The following FREM3 variants were observed in gnomAD, a reference collection of about 807,000 sequenced individuals.
The protein encoded by FREM3 is FRAS1-related extracellular matrix protein 3.
A neutral mutation model predicts 129.1 loss-of-function variants in FREM3; 105 were observed. That is an observed-to-expected ratio of 0.81 (90% confidence interval 0.69 to 0.96). The LOEUF (loss-of-function observed/expected upper bound fraction) is 0.96, where lower values mean the gene tolerates loss of function less well. Ranked by LOEUF, FREM3 falls within the 40% of genes least tolerant of loss-of-function variation. FREM3 has a pLI of 0.00. For missense variants in FREM3, 2,593 were observed against 2,666.3 expected (o/e 0.97, Z 0.61); for synonymous variants, 1,014 against 1,044.9 (o/e 0.97, Z 0.57).
At chr4:143,595,694 T>C (rs113511058) in intron 6 of FREM3, among the ~76,000 whole-genome samples, 2,038 of 152,196 alleles carry the variant, frequency 0.013, 46 homozygotes, top group African/African-American at 0.046. Context: ...AAGACCATCC[T>C]GGCTAACACG....
intron 6 of FREM3, among the ~76,000 whole-genome samples, chr4:143,597,701 AAACTT>A (rs1738507563): frequency 6.6e-6 from 1 of 152,212 alleles, no homozygotes; most frequent in African/African-American, 2.4e-5. Flanking sequence ...ACTTAGGCAT[AAACTT>A]AACTAAGGCA....
intron 6 of FREM3, among the ~76,000 whole-genome samples, chr4:143,591,291 G>A (rs1370708693): frequency 6.6e-6 from 1 of 152,122 alleles, no homozygotes; most frequent in African/African-American, 2.4e-5. Context: ...GCTTTTGAAT[G>A]TGTTTGCTCT....
intron 2 of FREM3, among the ~76,000 whole-genome samples, chr4:143,632,603 T>C (rs1387243310): frequency 6.6e-6 from 1 of 152,138 alleles, no homozygotes; most frequent in Non-Finnish European, 1.5e-5. Context: ...GTAGTATTCA[T>C]TAGGGACATT....
chr4:143,657,556 A>G (rs1739623669), intron 2 of FREM3, among the ~76,000 whole-genome samples: 1 of 152,170 alleles, frequency 6.6e-6, no homozygotes, highest in African/African-American at 2.4e-5. Flanking sequence ...CATGATAGTA[A>G]TGATGATATT....
chr4:143,644,325 G>T (rs1291418737), intron 2 of FREM3, among the ~76,000 whole-genome samples: 1 of 152,008 alleles, frequency 6.6e-6, no homozygotes, highest in African/African-American at 2.4e-5. Flanking sequence ...GCATACGTGA[G>T]CTCTTTCCAT....
intron 7 of FREM3, among the ~76,000 whole-genome samples, chr4:143,582,549 T>G (rs1200659256): frequency 1.3e-5 from 2 of 152,116 alleles, no homozygotes; most frequent in Non-Finnish European, 2.9e-5. Context: ...TAAAGGAATA[T>G]CAGCCCATAC....
chr4:143,699,745 C>T lies in FREM3; in HGVS notation c.931G>A (p.Ala311Thr). The T allele has an allele frequency of 6.6e-7, 1 of 1,519,506 alleles. No homozygotes were observed. The highest frequency in any genetic ancestry group is 8.8e-7 in the Non-Finnish European group (1 of 1,136,864). 94.1% of individuals were successfully genotyped at this position (1,519,506 alleles called of 1,614,324 possible). Residue 311 changes from alanine (A) to threonine (T), a missense_variant, in exon 1 of 8, where the codon GCC becomes ACC. Coordinates refer to ENST00000329798, the MANE Select transcript of FREM3 (RefSeq NM_001168235.2). This position sits in a 1 kb window ranked among gnomAD's most constrained non-coding sequence, Gnocchi z 4.2. ...GGATCCACCTCCATCATCATCGTGG[C>T]CATGAAGCTGGGCCTGGGCGGTGTG... ...ENTPPRPSFM[A>T]TMMMEVDPLV...
chr4:143,619,089 C>G (rs150558011), intron 5 of FREM3, among the ~76,000 whole-genome samples: 1 of 152,150 alleles, frequency 6.6e-6, no homozygotes, highest in Non-Finnish European at 1.5e-5. Context: ...TTCAAGCTGT[C>G]GAGACCACTG....
rs75320615 is a variant in FREM3, at chr4:143,615,180, G to A, written c.5780-3653C>T. Among the ~76,000 whole-genome samples the A allele has an allele frequency of 3.6e-3, 544 of 152,218 alleles. 5 individuals carry two copies. Among genetic ancestry groups the A allele is most frequent in the African/African-American group, 0.012 (519 of 41,528 alleles). On this transcript the variant is annotated intron_variant, in intron 5 of 7. Transcript: ENST00000329798. Reference sequence around the variant, plus strand: ...GGTTACTTTATGAGGTGGCCAGGGCGTTTTATCAATGAGAAAATTGAGGCA... The same window carrying A: ...GGTTACTTTATGAGGTGGCCAGGGCATTTTATCAATGAGAAAATTGAGGCA...
intron 2 of FREM3, among the ~76,000 whole-genome samples, chr4:143,638,064 T>C (rs182082053): frequency 6.6e-6 from 1 of 152,288 alleles, no homozygotes. Context: ...CAATATGTCA[T>C]GCTATGTATA....
Position 143,697,362 on chromosome 4 carries a change from A to G in FREM3, c.3314T>C (p.Leu1105Pro). ...TGGCTGACTAGTCACTGTGCAGAGG[A>G]GTTCATCTTGATGAGTGTCCACATC... ...VEDVDTHQDE[L>P]LCTVTSQPAS... is the part of the protein sequence containing the mutation. Residue 1105 changes from leucine to proline, a missense_variant, in exon 1 of 8, where the codon CTC becomes CCC. By Grantham distance (98) the Leu-to-Pro change is moderately conservative. Around this residue, in one of 2 missense-constraint regions of FREM3, gnomAD observed 2,276 missense variants for 2,267.2 expected, o/e 1.00. Coordinates refer to ENST00000329798, the MANE Select transcript of FREM3 (RefSeq NM_001168235.2). The G allele has an allele frequency of 1.3e-6, 2 of 1,537,158 alleles. No individual in the cohort carries two copies. Among genetic ancestry groups the G allele is most frequent in the Non-Finnish European group, 1.7e-6 (2 of 1,146,876 alleles).
rs1233488374 is a variant in FREM3, at chr4:143,696,099, A to G, written c.4577T>C (p.Phe1526Ser). The change falls in exon 1 of 8, where the codon TTC becomes TCC. Residue 1526 changes from phenylalanine (F) to serine (S), a missense_variant. Phe to Ser is a radical substitution (Grantham distance 155). Transcript: ENST00000329798. ...ATCCACATCAGTGATGAAGATCCTGAAGGTTCTGAACACAGGGTAGAGTTC... is the reference window on the plus strand; with the variant it reads ...ATCCACATCAGTGATGAAGATCCTGGAGGTTCTGAACACAGGGTAGAGTTC... ...IGELYPVFRT[F>S]RIFITDVDNK... 1.3e-6 allele frequency: 2 copies of G among 1,537,512 alleles called. No homozygotes were observed. The highest frequency in any genetic ancestry group is 1.7e-6 in the Non-Finnish European group (2 of 1,146,964).
intron 2 of FREM3, among the ~76,000 whole-genome samples, chr4:143,646,982 G>A (rs1482171530): frequency 6.6e-6 from 1 of 152,074 alleles, no homozygotes; most frequent in African/African-American, 2.4e-5. Context: ...AGACTTGTAG[G>A]GCTCAGAAGA....
intron 6 of FREM3, among the ~76,000 whole-genome samples, chr4:143,596,222 A>G (rs978031257): frequency 2.0e-5 from 3 of 152,144 alleles, no homozygotes; most frequent in Non-Finnish European, 4.4e-5. Flanking sequence ...GGCAGTGAAA[A>G]GGTGTTTGGT....
chr4:143,586,364 G>C (rs935986318), intron 6 of FREM3, among the ~76,000 whole-genome samples: 2 of 152,194 alleles, frequency 1.3e-5, no homozygotes, highest in African/African-American at 4.8e-5. Context: ...AGTTAGAGAG[G>C]CTTTTTTTGG....
chr4:143,676,896 T>A (rs1348540910), intron 2 of FREM3, among the ~76,000 whole-genome samples: 2 of 152,006 alleles, frequency 1.3e-5, no homozygotes, highest in African/African-American at 4.8e-5. Context: ...TAAAAGAGGA[T>A]ACAAACAAAT....
intron 1 of FREM3, among the ~76,000 whole-genome samples, chr4:143,694,908 A>G (rs1016937880): frequency 9.9e-5 from 15 of 152,266 alleles, no homozygotes; most frequent in Non-Finnish European, 2.1e-4. Flanking sequence ...GCCAGTGGGT[A>G]TCACATCACC....
At chr4:143,605,937 T>C (rs925624014) in intron 6 of FREM3, among the ~76,000 whole-genome samples, 5 of 152,190 alleles carry the variant, frequency 3.3e-5, no homozygotes, top group African/African-American at 1.2e-4. Context: ...TTATATTGGC[T>C]CATGGTTCTT....
intron 2 of FREM3, among the ~76,000 whole-genome samples, chr4:143,644,186 TG>T (rs1298795038): frequency 2.5e-4 from 38 of 152,132 alleles, no homozygotes; most frequent in South Asian, 2.3e-3. Context: ...TATGTGTGTG[TG>T]TGTGTGTGTG....
Sources: gnomAD v4.1 joint callset for allele counts (sites outside exome capture counted in the v4.1 genomes callset) on GRCh38, gnomAD v4.1.1 for gene constraint, gnomAD v4.1.1 regional missense constraint, Gnocchi (gnomAD v3.1) non-coding constraint, MANE v1.5 for transcripts, NCBI Gene and HGNC (gene_info 2026-07-23, HGNC 2026-07-21) for gene names.